Variants in FOCAD observed in about 807,000 individuals in gnomAD.
The protein encoded by FOCAD is focadhesin.
In FOCAD, 198 loss-of-function variants were observed where a neutral mutation model predicts 225.6. That is an observed-to-expected ratio of 0.88 (90% CI 0.78 to 0.99). The LOEUF (loss-of-function observed/expected upper bound fraction) is 0.99. FOCAD is among the 50% of genes least tolerant of loss of function. The pLI, the probability that FOCAD is intolerant of heterozygous loss-of-function variation, is 0.00. For synonymous variants in FOCAD, 897 were observed against 755.0 expected, an observed-to-expected ratio of 1.19 and a Z score of -3.08; for missense variants, 2,713 against 2,123.6, an observed-to-expected ratio of 1.28 and a Z score of -5.46.
chr9:20,694,502 A>G (rs1823187851), intron 1 of FOCAD: 1 of 152,156 alleles, frequency 6.6e-6, no homozygotes, highest in Non-Finnish European at 1.5e-5. Context: ...GTGATTTTGT[A>G]TTTTGGTTTT....
chr9:20,897,286 A>G lies in FOCAD; in HGVS notation c.2626-9864A>G, dbSNP rs541929451. The stretch of plus-strand genomic sequence containing the variant: ...ACGTTTTATCTGTATGTGTCTTTAC[A>G]TTAAAGTAGATTTCTTGTAGACAAC... On this transcript the variant is annotated intron_variant, in intron 21 of 43. Transcript: ENST00000338382. 7.0e-4 allele frequency among the ~76,000 whole-genome samples: 107 copies of G among 151,918 alleles called. 1 individual carries two copies. The highest frequency in any genetic ancestry group is 2.5e-3 in the African/African-American group (104 of 41,514).
intron 39 of FOCAD, 35 bp downstream of exon 39, chr9:20,982,481 T>C (rs1564240875): frequency 1.3e-6 from 2 of 1,532,646 alleles, no homozygotes; most frequent in Non-Finnish European, 9.0e-7. Context: ...TTTTTCATTA[T>C]TGAGCCAGAA....
chr9:20,705,716 A>G (rs575144243), intron 1 of FOCAD, among the ~76,000 whole-genome samples: 2 of 151,944 alleles, frequency 1.3e-5, no homozygotes, highest in African/African-American at 4.8e-5. Context: ...CTTAAAAATT[A>G]TAATATTGGA....
intron 1 of FOCAD, among the ~76,000 whole-genome samples, chr9:20,692,817 C>T (rs1414407364): frequency 6.6e-6 from 1 of 152,180 alleles, no homozygotes; most frequent in African/African-American, 2.4e-5. Flanking sequence ...AGCAGGTCAC[C>T]AGGTCAAGCC....
chr9:20,845,072 C>T (rs1034418852), intron 15 of FOCAD, among the ~76,000 whole-genome samples: 15 of 152,092 alleles, frequency 9.9e-5, no homozygotes, highest in Non-Finnish European at 2.2e-4. Flanking sequence ...TATGAGACTT[C>T]AGTGTCTGCT....
intron 1 of FOCAD, among the ~76,000 whole-genome samples, chr9:20,711,400 A>C (rs1824837412): frequency 6.6e-6 from 1 of 152,238 alleles, no homozygotes; most frequent in Non-Finnish European, 1.5e-5. Context: ...TTAATCCAAC[A>C]AACAATTGAA....
intron 5 of FOCAD, among the ~76,000 whole-genome samples, chr9:20,757,729 G>C (rs1334083257): frequency 6.6e-6 from 1 of 152,094 alleles, no homozygotes; most frequent in Non-Finnish European, 1.5e-5. Flanking sequence ...AGGAGGAGGA[G>C]GTGGCTTGTA....
At chr9:20,897,827 C>T (rs1284867788) in intron 21 of FOCAD, among the ~76,000 whole-genome samples, 1 of 151,736 alleles carries the variant, frequency 6.6e-6, no homozygotes, top group South Asian at 2.1e-4. Flanking sequence ...CTTATCCCTC[C>T]TCTGATGCCT....
chr9:20,702,171 T>C (rs1244481592), intron 1 of FOCAD, among the ~76,000 whole-genome samples: 1 of 152,132 alleles, frequency 6.6e-6, no homozygotes, highest in Non-Finnish European at 1.5e-5. Context: ...GGCATGATAA[T>C]AGCTCACTGT....
At chr9:20,822,958 A>C in intron 14 of FOCAD, 31 bp from the exon 15 acceptor site, 1 of 1,556,278 alleles carries the variant, frequency 6.4e-7, no homozygotes, top group Non-Finnish European at 8.6e-7. Context: ...CTTTAGCATT[A>C]ATTTTGCTTT....
chr9:20,804,519 GATCA>G (rs1822200077), intron 11 of FOCAD, among the ~76,000 whole-genome samples: 1 of 151,800 alleles, frequency 6.6e-6, no homozygotes, highest in Non-Finnish European at 1.5e-5. Context: ...GGTTGTCTTA[GATCA>G]AACCCTGGCT....
intron 1 of FOCAD, among the ~76,000 whole-genome samples, chr9:20,695,597 A>C (rs934008914): frequency 1.3e-5 from 2 of 152,212 alleles, no homozygotes; most frequent in Non-Finnish European, 2.9e-5. Flanking sequence ...GCTTGTAAAG[A>C]GATATGAAAT....
chr9:20,794,070 T>C (rs1013428495), intron 11 of FOCAD, among the ~76,000 whole-genome samples: 2 of 152,182 alleles, frequency 1.3e-5, no homozygotes, highest in African/African-American at 4.8e-5. Context: ...TTATGTCTCT[T>C]GAATTAAACC....
intron 2 of FOCAD, among the ~76,000 whole-genome samples, chr9:20,663,344 A>G (rs1821792496): frequency 6.6e-6 from 1 of 152,160 alleles, no homozygotes; most frequent in African/African-American, 2.4e-5. Flanking sequence ...GTGACAGGGA[A>G]AGACCCTGTC....
chr9:20,708,657 C>T (rs1824585723), intron 1 of FOCAD, among the ~76,000 whole-genome samples: 1 of 151,974 alleles, frequency 6.6e-6, no homozygotes, highest in South Asian at 2.1e-4. Flanking sequence ...TGCCTGTAGT[C>T]CCAGCTACTT....
At chr9:20,912,756 C>A in intron 22 of FOCAD, 110 bp from the exon 23 acceptor site, 3 of 790,616 alleles carry the variant, frequency 3.8e-6, no homozygotes, top group Non-Finnish European at 4.3e-6. Flanking sequence ...ATGTCTTACC[C>A]AGAACACTTA....
At chr9:20,949,749 A>G in intron 33 of FOCAD, 74 bp downstream of exon 33, 1 of 1,233,256 alleles carries the variant, frequency 8.1e-7, no homozygotes. Flanking sequence ...ATTACATGAT[A>G]CAACATGTTT....
intron 5 of FOCAD, among the ~76,000 whole-genome samples, chr9:20,752,427 A>C (rs1828646608): frequency 6.6e-6 from 1 of 152,014 alleles, no homozygotes; most frequent in Non-Finnish European, 1.5e-5. Context: ...TCCTTTCCCC[A>C]TTGCTTGTTT....
intron 41 of FOCAD, 100 bp downstream of exon 41, chr9:20,988,529 T>C (rs982705761): frequency 1.6e-5 from 5 of 320,378 alleles, no homozygotes; most frequent in African/African-American, 4.6e-5. Flanking sequence ...TGGCAAAAAC[T>C]GCAATTACTT....
Sources: allele counts gnomAD v4.1 joint callset (sites outside exome capture counted in the v4.1 genomes callset), GRCh38; gene constraint gnomAD v4.1.1; transcripts MANE v1.5; gene names NCBI Gene and HGNC (gene_info 2026-07-23, HGNC 2026-07-21).